The following CACNB3 variants were observed in gnomAD, a reference collection of about 807,000 sequenced individuals.
The protein encoded by CACNB3 is calcium voltage-gated channel auxiliary subunit beta 3.
CACNB3 carries 36 observed loss-of-function variants against 63.7 expected under a neutral mutation model. That is an observed-to-expected ratio of 0.57 (90% CI 0.43 to 0.75). The LOEUF is 0.75. Ranked by LOEUF, CACNB3 falls within the 30% of genes least tolerant of loss-of-function variation. The pLI is 0.00. For missense variants in CACNB3, 493 were observed against 648.6 expected, an observed-to-expected ratio of 0.76 and a Z score of 2.61; for synonymous variants, 241 against 250.6, an observed-to-expected ratio of 0.96 and a Z score of 0.36.
At position 48,827,170 on chromosome 12, in the gene CACNB3, G is replaced by A. The variant is rs747121332; in HGVS notation, c.1140+47G>A. The stretch of plus-strand genomic sequence containing the variant: ...AGATGCTCAAGCTAAGCCAGCCAAG[G>A]CACTGCCCCTCCCTGCCCAGAGGAC... On this transcript the variant is annotated intron_variant, in intron 12 of 12. Transcript: ENST00000301050. 4.2e-5 allele frequency: 68 copies of A among 1,601,948 alleles called. No homozygotes were observed. In the African/African-American group the frequency reaches 7.2e-4, roughly 17 times the overall value.
rs901128138 is a variant in CACNB3, at chr12:48,823,729, G to A, written c.217G>A (p.Val73Ile). 3.1e-6 allele frequency: 5 copies of A among 1,614,036 alleles called. No individual in the cohort carries two copies. Among genetic ancestry groups the A allele is most frequent in the East Asian group, 2.2e-5 (1 of 44,886 alleles). ...AVRTNVSYCG[V>I]LDEECPVQGS... The stretch of plus-strand genomic sequence containing the variant: ...GAGGACCAATGTCAGCTACTGTGGC[G>A]TACTGGATGAGGAGTGCCCAGTCCA... Residue 73 changes from valine to isoleucine, a missense_variant, in exon 3 of 13, where the codon GTA (valine) becomes ATA (isoleucine). Transcript: ENST00000301050. The surrounding 1 kb of genome is among the most constrained non-coding windows in gnomAD (Gnocchi z 4.2).
At chr12:48,822,620 C>A (rs911903988) in intron 1 of CACNB3, among the ~76,000 whole-genome samples, 20 of 152,154 alleles carry the variant, frequency 1.3e-4, no homozygotes, top group African/African-American at 4.8e-4. Flanking sequence ...GCTTTGTGTT[C>A]TTGGTCTGTG....
chr12:48,815,794 C>T, upstream of CACNB3: 2 of 1,072,526 alleles, frequency 1.9e-6, no homozygotes, highest in South Asian at 1.3e-5. Flanking sequence ...GAGAGCTCCG[C>T]TCCAAGCTAG....
Position 48,824,609 on chromosome 12 carries a change from AACATACAT to A in CACNB3, c.408-56_408-49del, listed in dbSNP as rs762751413. ...TGTACAATTATTAAATAATGCATAG[AACATACAT>A]ACACAGAGACACATTCTTCTCTCTC... is the stretch of plus-strand genomic sequence containing the variant. On this transcript the variant is annotated intron_variant, in intron 4 of 12. Transcript: ENST00000301050. 9.4e-4 allele frequency: 1,374 copies of A among 1,460,190 alleles called. 5 individuals carry two copies. The highest frequency in any genetic ancestry group is 1.0e-3 in the Non-Finnish European group (1,082 of 1,042,846). The allele number at this position is 1,460,190 out of a possible 1,614,324, so 90.5% of individuals were successfully genotyped here.
chr12:48,815,307 T>TC (rs1388350413), upstream of CACNB3: 1 of 297,482 alleles, frequency 3.4e-6, no homozygotes, highest in Non-Finnish European at 6.6e-6. Context: ...CGGGAGGACT[T>TC]TAGGGAAGAA....
rs948378335 is a variant in CACNB3, at chr12:48,826,104, C to T, written c.743-263C>T. On this transcript the variant is annotated intron_variant, in intron 9 of 12. Coordinates refer to ENST00000301050, the MANE Select transcript of CACNB3 (RefSeq NM_000725.4). This position sits in a 1 kb window ranked among gnomAD's most constrained non-coding sequence, Gnocchi z 4.8. The stretch of plus-strand genomic sequence containing the variant: ...TTGGCCTCTCAAAATGCTGGGATTA[C>T]AGGCATGAGCCACCATGCCTGGCCC... The T allele has an allele frequency of 1.1e-5, 6 of 561,488 alleles. No homozygotes were observed. The highest frequency in any genetic ancestry group is 2.1e-5 in the South Asian group (1 of 46,994). The allele number at this position is 561,488 out of a possible 1,614,324, so 34.8% of individuals were successfully genotyped here. A position where few individuals can be genotyped will look rare whatever the true frequency, so the allele number is the denominator to read the frequency against.
chr12:48,824,664 C>T lies in CACNB3; in HGVS notation c.408-5C>T. On this transcript the variant is annotated splice_region_variant and splice_polypyrimidine_tract_variant and intron_variant, in intron 4 of 12. Coordinates refer to ENST00000301050, the MANE Select transcript of CACNB3 (RefSeq NM_000725.4). ...TCTCTCTCTTTCACCTCCCTTTCTT[C>T]TCAGGAGATCTGGGAACCCTTCCAG... 3 of 1,613,326 alleles carry T rather than the reference C, an allele frequency of 1.9e-6. No individual in the cohort carries two copies. The South Asian group carries it at 3.3e-5, about 18-fold the overall frequency.
Position 48,826,448 on chromosome 12 carries a change from A to G in CACNB3, c.824A>G (p.Asn275Ser). Residue 275 changes from asparagine (N) to serine (S), a missense_variant, in exon 10 of 13, where the codon AAC (asparagine) becomes AGC (serine). Asn to Ser is a conservative substitution (Grantham distance 46). Transcript: ENST00000301050. The surrounding 1 kb of genome is among the most constrained non-coding windows in gnomAD (Gnocchi z 4.8). Reference protein sequence around the residue: ...QLVVLDADTINHPAQLAKTSL... With the variant: ...QLVVLDADTISHPAQLAKTSL... Reference sequence around the variant, plus strand: ...GTAGTGTTGGACGCTGACACCATCAACCACCCAGCACAGCTGGCCAAGACC... The same window carrying G: ...GTAGTGTTGGACGCTGACACCATCAGCCACCCAGCACAGCTGGCCAAGACC... 1.9e-6 allele frequency: 3 copies of G among 1,614,094 alleles called. No individual in the cohort carries two copies. The highest frequency in any genetic ancestry group is 2.5e-6 in the Non-Finnish European group (3 of 1,180,000).
rs1937645421 is a variant in CACNB3 at position 48,818,558 on chromosome 12, G to T, written c.-372G>T. On this transcript the variant is annotated 5_prime_UTR_variant, in exon 1 of 13. Transcript: ENST00000301050. The surrounding 1 kb of genome is among the most constrained non-coding windows in gnomAD (Gnocchi z 4.3). ...GGGGACCCACCTTCCACCTAGCACG[G>T]GTTCGTTCCCCTCTCCCGGCCTGGC... 1 of 1,056,714 alleles carries T rather than the reference G, an allele frequency of 9.5e-7. No individual in the cohort carries two copies. The highest frequency in any genetic ancestry group is 8.2e-5 in the East Asian group (1 of 12,142). 65.5% of individuals were successfully genotyped at this position (1,056,714 alleles called of 1,614,324 possible).
Position 48,818,961 on chromosome 12 carries a change from A to G in CACNB3, c.32A>G (p.Glu11Gly). 6.2e-7 allele frequency: 1 copy of G among 1,603,482 alleles called. No homozygotes were observed. Among genetic ancestry groups the G allele is most frequent in the Non-Finnish European group, 8.5e-7 (1 of 1,175,574 alleles). MYDDSYVPGF[E>G]DSEAGSADSY... Reference sequence around the variant, plus strand: ...GACGACTCCTACGTGCCCGGGTTTGAGGACTCGGAGGCGGTGAGTGCCCAC... The same window carrying G: ...GACGACTCCTACGTGCCCGGGTTTGGGGACTCGGAGGCGGTGAGTGCCCAC... Residue 11 changes from glutamate to glycine, a missense_variant, in exon 1 of 13, where the codon GAG becomes GGG. Transcript: ENST00000301050. The surrounding 1 kb of genome is among the most constrained non-coding windows in gnomAD (Gnocchi z 4.3).
At chr12:48,820,524 G>A (rs1165652157) in intron 1 of CACNB3, 1 of 152,168 alleles carries the variant, frequency 6.6e-6, no homozygotes, top group Non-Finnish European at 1.5e-5. Flanking sequence ...TAAATCCAAC[G>A]GCTCATCTCC....
At chr12:48,816,734 G>A, upstream of CACNB3, 1 of 460,226 alleles carries the variant, frequency 2.2e-6, no homozygotes, top group Non-Finnish European at 2.9e-6. Context: ...AGGAAGGAGT[G>A]CTGCCGATGG....
chr12:48,822,509 G>C (rs1202676965), intron 1 of CACNB3, among the ~76,000 whole-genome samples: 1 of 152,164 alleles, frequency 6.6e-6, no homozygotes, highest in Non-Finnish European at 1.5e-5. Context: ...CACTAGCATA[G>C]CCTTCTTCTA....
In CACNB3 at chr12:48,826,585, T is replaced by A; in HGVS notation, c.894+67T>A. The A allele has an allele frequency of 6.3e-7, 1 of 1,597,396 alleles. No individual in the cohort carries two copies. Among genetic ancestry groups the A allele is most frequent in the Non-Finnish European group, 8.6e-7 (1 of 1,166,782 alleles). ...CTACTAGAATGTGGCATGATTCTAC[T>A]TGGTCCCTGCCTGGGGCACCTGAGT... On this transcript the variant is annotated intron_variant, in intron 10 of 12. Transcript: ENST00000301050. This position sits in a 1 kb window ranked among gnomAD's most constrained non-coding sequence, Gnocchi z 4.8.
rs34686518 is a variant in CACNB3, at chr12:48,828,194, GC to G, written c.*298del. On this transcript the variant is annotated 3_prime_UTR_variant, in exon 13 of 13. Transcript: ENST00000301050. ...ACAGGAAGCTGCCCCACTGGGCAGT[GC>G]CCTCAGGCCAGGATCCCCTTAGCAG... The G allele has an allele frequency of 2.1e-6, 1 of 476,464 alleles. No homozygotes were observed. The highest frequency in any genetic ancestry group is 3.9e-6 in the Non-Finnish European group (1 of 259,498). 29.5% of individuals were successfully genotyped at this position (476,464 alleles called of 1,614,324 possible).
upstream of CACNB3, chr12:48,815,359 G>A: frequency 2.6e-6 from 1 of 386,820 alleles, no homozygotes. Context: ...GTGCGACGTG[G>A]GGATGGAAGG....
chr12:48,824,896 A>G (rs1019707707), intron 5 of CACNB3, 53 bp from the exon 6 acceptor site: 34 of 1,607,750 alleles, frequency 2.1e-5, no homozygotes, highest in Non-Finnish European at 2.7e-5. Context: ...CCATGCCCCC[A>G]GGGACCTTTC....
rs760734741 is a variant in CACNB3 at position 48,826,345 on chromosome 12, C to T, written c.743-22C>T. Reference sequence around the variant, plus strand: ...CAGTGGGCAGAGCTCCTGGTGAGCACTGCTGCTGCCTCCCTCCATAGCGGA... The same window carrying T: ...CAGTGGGCAGAGCTCCTGGTGAGCATTGCTGCTGCCTCCCTCCATAGCGGA... On this transcript the variant is annotated intron_variant, in intron 9 of 12. Transcript: ENST00000301050. The surrounding 1 kb of genome is among the most constrained non-coding windows in gnomAD (Gnocchi z 4.8). The T allele has an allele frequency of 1.2e-6, 2 of 1,613,698 alleles. No homozygotes were observed. The highest frequency in any genetic ancestry group is 1.1e-5 in the South Asian group (1 of 91,072).
At chr12:48,815,616 C>T, upstream of CACNB3, 1 of 1,532,662 alleles carries the variant, frequency 6.5e-7, no homozygotes, top group Non-Finnish European at 8.7e-7. Context: ...GCGTGCAGAG[C>T]AGCGGCCGGG....
Sources: allele counts gnomAD v4.1 joint callset (sites outside exome capture counted in the v4.1 genomes callset), GRCh38; gene constraint gnomAD v4.1.1; non-coding constraint Gnocchi (gnomAD v3.1); transcripts MANE v1.5; gene names NCBI Gene and HGNC (gene_info 2026-07-23, HGNC 2026-07-21).